Variants in IPO5 observed in about 807,000 individuals in gnomAD.
The protein encoded by IPO5 is importin-5.
IPO5 carries 18 observed loss-of-function variants against 143.3 expected under a neutral mutation model. The observed-to-expected ratio is 0.13, with a 90% CI of 0.09 to 0.19. The LOEUF (loss-of-function observed/expected upper bound fraction) is 0.19. Ranked by LOEUF, IPO5 falls within the 10% of genes least tolerant of loss-of-function variation. The probability of loss-of-function intolerance (pLI) is 1.00; values close to 1 mark genes in which losing one functional copy is unlikely to be tolerated. For missense variants in IPO5, 1,013 were observed against 1,336.9 expected (o/e 0.76, Z 3.78); for synonymous variants, 477 against 465.7 (o/e 1.02, Z -0.31).
At chr13:98,015,242 TTGTGTG>T (rs1179382229) in intron 22 of IPO5, among the ~76,000 whole-genome samples, 22 of 147,830 alleles carry the variant, frequency 1.5e-4, no homozygotes, top group East Asian at 5.9e-4. Context: ...TAGGAGCTGG[TTGTGTG>T]TGTGTGTGTG....
chr13:98,017,467 T>G (rs1890200961), intron 25 of IPO5, among the ~76,000 whole-genome samples: 2 of 151,978 alleles, frequency 1.3e-5, no homozygotes, highest in South Asian at 4.1e-4. Context: ...ACCCGACGAA[T>G]TTTTTGTATT....
intron 28 of IPO5, 133 bp downstream of exon 28, chr13:98,021,266 A>G (rs577883504): frequency 5.5e-6 from 4 of 721,320 alleles, no homozygotes; most frequent in East Asian, 5.9e-5. Context: ...CTTGTCTCCA[A>G]GCCTCAAATG....
intron 7 of IPO5, 57 bp downstream of exon 7, chr13:97,989,221 C>A: frequency 1.2e-6 from 1 of 862,924 alleles, no homozygotes; most frequent in East Asian, 2.6e-5. Context: ...CCCTAAACAC[C>A]TTTTAACTGA....
chr13:97,990,679 T>C, intron 9 of IPO5, 142 bp downstream of exon 9: 1 of 523,686 alleles, frequency 1.9e-6, no homozygotes. Flanking sequence ...CAAATCTCAG[T>C]CTCCATTAAG....
rs923787649 is a variant in IPO5 at position 97,977,882 on chromosome 13, A to G, written c.90+1096A>G. 9.8e-4 allele frequency among the ~76,000 whole-genome samples: 150 copies of G among 152,336 alleles called. 1 individual carries two copies. The highest frequency in any genetic ancestry group is 5.8e-4 in the East Asian group (3 of 5,192). ...AGGATGTTCAGCCAGATATTTTTAA[A>G]TAACAAAAATTAATTTTACATATAG... On this transcript the variant is annotated intron_variant, in intron 4 of 28. Transcript: ENST00000651721.
intron 20 of IPO5, 33 bp downstream of exon 20, chr13:98,010,257 T>C: frequency 6.3e-7 from 1 of 1,598,018 alleles, no homozygotes; most frequent in Non-Finnish European, 8.5e-7. Context: ...AAACTTTTAT[T>C]TTACATCTTA....
chr13:98,011,323 C>T (rs1286777874), intron 20 of IPO5, among the ~76,000 whole-genome samples: 1 of 152,094 alleles, frequency 6.6e-6, no homozygotes, highest in African/African-American at 2.4e-5. Context: ...CAGAGTCTTA[C>T]TCTGTCGCTC....
At position 97,976,598 on chromosome 13, in the gene IPO5, C is replaced by T. The variant is rs564805291; in HGVS notation, c.-4-95C>T. On this transcript the variant is annotated intron_variant, in intron 3 of 28. Transcript: ENST00000651721. ...GCAAGCCCCGCGCCGCCGCTGGTGC[C>T]GGTCCCCGCGCTGGGCCCGCCCCCG... The T allele has an allele frequency of 3.3e-4, 96 of 291,400 alleles. 1 individual carries two copies. Among genetic ancestry groups the T allele is most frequent in the Middle Eastern group, 2.1e-3 (2 of 956 alleles). The allele number at this position is 291,400 out of a possible 1,614,324, so 18.1% of individuals were successfully genotyped here. A position where few individuals can be genotyped will look rare whatever the true frequency, so the allele number is the denominator to read the frequency against.
intron 2 of IPO5, among the ~76,000 whole-genome samples, chr13:97,965,786 T>C (rs887549956): frequency 6.8e-5 from 10 of 147,760 alleles, no homozygotes; most frequent in East Asian, 2.0e-4. Context: ...TGTGTGTGTG[T>C]GCTTGTGTGA....
intron 4 of IPO5, 97 bp downstream of exon 4, chr13:97,976,883 C>A: frequency 3.5e-6 from 1 of 281,916 alleles, no homozygotes; most frequent in Non-Finnish European, 5.9e-6. Flanking sequence ...CCGCGGCGGC[C>A]GCGCAGGCTG....
chr13:98,007,576 A>T (rs1451232969), intron 17 of IPO5: 1 of 152,392 alleles, frequency 6.6e-6, no homozygotes, highest in Non-Finnish European at 1.5e-5. Flanking sequence ...GACGCTGACC[A>T]CTAAAACATT....
intron 16 of IPO5, among the ~76,000 whole-genome samples, chr13:98,005,548 C>G (rs1412125526): frequency 6.6e-6 from 1 of 151,940 alleles, no homozygotes; most frequent in Non-Finnish European, 1.5e-5. Context: ...ACGGGCCCAG[C>G]AGCAAATAGT....
At chr13:97,978,141 AG>A (rs1381668051) in intron 4 of IPO5, among the ~76,000 whole-genome samples, 1 of 152,246 alleles carries the variant, frequency 6.6e-6, no homozygotes, top group East Asian at 1.9e-4. Context: ...ATACATGTTC[AG>A]GGTAAAAATT....
chr13:98,020,666 C>T (rs780403999), intron 27 of IPO5, among the ~76,000 whole-genome samples: 2 of 152,108 alleles, frequency 1.3e-5, no homozygotes, highest in Non-Finnish European at 2.9e-5. Flanking sequence ...TTTTGAACTT[C>T]AGAGTTATTT....
intron 5 of IPO5, among the ~76,000 whole-genome samples, chr13:97,983,841 A>G (rs1361399209): frequency 6.6e-6 from 1 of 151,642 alleles, no homozygotes; most frequent in African/African-American, 2.4e-5. Context: ...TTTAAAAGCC[A>G]TATAAAAGTA....
chr13:97,990,711 A>C (rs1485845158), intron 9 of IPO5, among the ~76,000 whole-genome samples, 174 bp downstream of exon 9: 7 of 152,182 alleles, frequency 4.6e-5, no homozygotes, highest in African/African-American at 1.4e-4. Flanking sequence ...TGCCTTTGAA[A>C]GACATTTTTA....
rs750024733 is a variant in IPO5, at chr13:98,019,701, G to C, written c.2957G>C (p.Cys986Ser). Residue 986 changes from cysteine to serine, a missense_variant, in exon 27 of 29, where the codon TGT (cysteine) becomes TCT (serine). By Grantham distance (112) the Cys-to-Ser change is moderately radical (BLOSUM62 -1). Around this residue, in one of 2 missense-constraint regions of IPO5, gnomAD observed 685 missense variants for 994.9 expected, o/e 0.69. Coordinates refer to ENST00000651721, the MANE Select transcript of IPO5 (RefSeq NM_002271.6). ...AAAATCATGAAGTTCAAGCCTGACT[G>C]TGTAAACGTTGAAGAGGTCCTTCCA... is the stretch of plus-strand genomic sequence containing the variant. Reference protein sequence around the residue: ...VGKIMKFKPDCVNVEEVLPHW... With the variant: ...VGKIMKFKPDSVNVEEVLPHW... 5 of 1,613,764 alleles carry C rather than the reference G, an allele frequency of 3.1e-6. No homozygotes were observed. The highest frequency in any genetic ancestry group is 3.3e-5 in the Admixed American group (2 of 59,994).
In IPO5 at chr13:98,022,959, T is replaced by C. The variant is rs752994674; in HGVS notation, c.*1137T>C. On this transcript the variant is annotated 3_prime_UTR_variant, in exon 29 of 29. Coordinates refer to ENST00000651721, the MANE Select transcript of IPO5 (RefSeq NM_002271.6). ...GTTTAATTTTTCTAAGGCATCTTAATAGACTTCTGTTGAAAACTTCAGTGT... is the reference window on the plus strand; with the variant it reads ...GTTTAATTTTTCTAAGGCATCTTAACAGACTTCTGTTGAAAACTTCAGTGT... 1.3e-5 allele frequency: 2 copies of C among 152,692 alleles called. No individual in the cohort carries two copies. Among genetic ancestry groups the C allele is most frequent in the Non-Finnish European group, 2.9e-5 (2 of 68,042 alleles). 9.5% of individuals were successfully genotyped at this position (152,692 alleles called of 1,614,324 possible).
intron 16 of IPO5, among the ~76,000 whole-genome samples, chr13:98,004,988 C>G (rs1012307633): frequency 6.6e-6 from 1 of 152,060 alleles, no homozygotes. Context: ...CGCCGTCTCC[C>G]GGGTTCAAGC....
Sources: allele counts gnomAD v4.1 joint callset (sites outside exome capture counted in the v4.1 genomes callset), GRCh38; gene constraint gnomAD v4.1.1; regional missense constraint gnomAD v4.1.1; transcripts MANE v1.5; gene names NCBI Gene and HGNC (gene_info 2026-07-23, HGNC 2026-07-21).